GRIA1: variants seen among roughly 807,000 people sequenced by gnomAD.
GRIA1 encodes glutamate ionotropic receptor AMPA type subunit 1, also known as glutamate receptor 1.
Under a neutral mutation model 99.2 loss-of-function variants are expected in GRIA1, and 31 were observed. The observed-to-expected ratio is 0.31, with a 90% confidence interval of 0.23 to 0.42. GRIA1 has a LOEUF of 0.42. Ranked by LOEUF, GRIA1 falls within the 10% of genes least tolerant of loss-of-function variation. The pLI, the probability that GRIA1 is intolerant of heterozygous loss-of-function variation, is 1.00. For synonymous variants in GRIA1, 438 were observed against 432.4 expected, an observed-to-expected ratio of 1.01 and a Z score of -0.16; for missense variants, 782 against 1,157.5, an observed-to-expected ratio of 0.68 and a Z score of 4.71.
In GRIA1 at chr5:153,585,462, C is replaced by A. The variant is rs1335844995; in HGVS notation, c.221-61466C>A. Among the ~76,000 whole-genome samples, 3 of 152,108 alleles carry A rather than the reference C, an allele frequency of 2.0e-5. No individual in the cohort carries two copies. The East Asian group carries it at 5.8e-4, about 29-fold the overall frequency. Reference sequence around the variant, plus strand: ...TAGCTGGGACTACAGGCACCCACAACCATGCCCAGCTAATTTTTGTGTTTT... The same window carrying A: ...TAGCTGGGACTACAGGCACCCACAAACATGCCCAGCTAATTTTTGTGTTTT... On this transcript the variant is annotated intron_variant, in intron 2 of 15. Coordinates refer to ENST00000285900, the MANE Select transcript of GRIA1 (RefSeq NM_000827.4).
intron 7 of GRIA1, among the ~76,000 whole-genome samples, chr5:153,680,186 GC>G (rs777722457): frequency 6.6e-6 from 1 of 152,014 alleles, no homozygotes; most frequent in Non-Finnish European, 1.5e-5. Context: ...CTATGGCCCA[GC>G]CCCCAGCAGC....
At chr5:153,705,153 G>A (rs532933233) in intron 10 of GRIA1, among the ~76,000 whole-genome samples, 181 of 152,288 alleles carry the variant, frequency 1.2e-3, no homozygotes, top group African/African-American at 4.0e-3. Flanking sequence ...TGAATTTACA[G>A]TTGCCTGAAT....
At chr5:153,784,392 A>G (rs958578413) in intron 13 of GRIA1, among the ~76,000 whole-genome samples, 1 of 112,188 alleles carries the variant, frequency 8.9e-6, no homozygotes, top group African/African-American at 3.7e-5. Context: ...CACTCTGTAT[A>G]TATCATTTGC....
In GRIA1 at chr5:153,720,345, T is replaced by C. The variant is rs148533358; in HGVS notation, c.1823+14278T>C. The stretch of plus-strand genomic sequence containing the variant: ...GGACCTTGAACATCATCATAAGCCT[T>C]GGAGGCAAATGAAAAGAGACAGGAG... On this transcript the variant is annotated intron_variant, in intron 11 of 15. Transcript: ENST00000285900. Among the ~76,000 whole-genome samples the C allele has an allele frequency of 8.2e-3, 1,251 of 152,300 alleles. 7 individuals are homozygous for C. Among genetic ancestry groups the C allele is most frequent in the Middle Eastern group, 0.014 (4 of 294 alleles).
intron 11 of GRIA1, among the ~76,000 whole-genome samples, chr5:153,757,142 T>G (rs7445290): frequency 0.6 from 90,901 of 151,994 alleles, 27,934 homozygotes; most frequent in East Asian, 0.94. Flanking sequence ...AAATACAAAT[T>G]AATGAATTTT....
At chr5:153,810,124 T>C (rs1160734902) in intron 15 of GRIA1, among the ~76,000 whole-genome samples, 1 of 152,234 alleles carries the variant, frequency 6.6e-6, no homozygotes, top group African/African-American at 2.4e-5. Flanking sequence ...TTCTGTGGTC[T>C]TGAATATCCC....
chr5:153,632,162 G>A (rs1302598117), intron 2 of GRIA1, among the ~76,000 whole-genome samples: 1 of 152,170 alleles, frequency 6.6e-6, no homozygotes, highest in Non-Finnish European at 1.5e-5. Flanking sequence ...AACGGAAAAA[G>A]GGAAAGTGGG....
chr5:153,612,346 G>T (rs2149410879), intron 2 of GRIA1, among the ~76,000 whole-genome samples: 1 of 152,330 alleles, frequency 6.6e-6, no homozygotes, highest in Non-Finnish European at 1.5e-5. Context: ...ATTTGAAGTT[G>T]ATACTATTAA....
intron 7 of GRIA1, among the ~76,000 whole-genome samples, chr5:153,679,260 G>A (rs1396448218): frequency 2.0e-5 from 3 of 151,738 alleles, no homozygotes; most frequent in African/African-American, 7.3e-5. Context: ...GAAAAAGAGA[G>A]GAACAACTAT....
chr5:153,746,733 A>AAAGAG (rs1409533174), intron 11 of GRIA1, among the ~76,000 whole-genome samples: 1 of 152,334 alleles, frequency 6.6e-6, no homozygotes, highest in Non-Finnish European at 1.5e-5. Flanking sequence ...GCAGCTATAA[A>AAAGAG]AAGAGAATAG....
Position 153,811,074 on chromosome 5 carries a change from C to A in GRIA1, c.2570C>A (p.Ser857Ter). The change falls in exon 16 of 16, where the codon TCG becomes TAG. Residue 857 changes from serine to a stop codon, truncating the protein, a stop_gained. Coordinates refer to ENST00000285900, the MANE Select transcript of GRIA1 (RefSeq NM_000827.4). LOFTEE classifies it high-confidence loss of function. ...QQSINEAIRTSTLPRNSGAGA... is the reference protein window; with the variant it reads ...QQSINEAIRT ...TCCATCAACGAAGCCATACGGACAT[C>A]GACCCTCCCCCGCAACAGCGGGGCA... The A allele has an allele frequency of 6.2e-7, 1 of 1,614,104 alleles. No individual in the cohort carries two copies. The highest frequency in any genetic ancestry group is 8.5e-7 in the Non-Finnish European group (1 of 1,179,958).
At chr5:153,499,053 A>G (rs2113224003) in intron 2 of GRIA1, among the ~76,000 whole-genome samples, 1 of 152,348 alleles carries the variant, frequency 6.6e-6, no homozygotes, top group African/African-American at 2.4e-5. Flanking sequence ...CAAAAAAATT[A>G]GTGTGTATAC....
intron 2 of GRIA1, among the ~76,000 whole-genome samples, chr5:153,521,572 C>T (rs1401634257): frequency 6.6e-6 from 1 of 152,188 alleles, no homozygotes; most frequent in Non-Finnish European, 1.5e-5. Context: ...TGGACAGAAC[C>T]ATCCTCGGTG....
chr5:153,594,358 C>T (rs949211746), intron 2 of GRIA1, among the ~76,000 whole-genome samples: 1 of 152,112 alleles, frequency 6.6e-6, no homozygotes, highest in African/African-American at 2.4e-5. Flanking sequence ...GTTAGGCTTC[C>T]AAGATTCTAT....
At chr5:153,795,894 C>T (rs1427153877) in intron 14 of GRIA1, among the ~76,000 whole-genome samples, 1 of 152,042 alleles carries the variant, frequency 6.6e-6, no homozygotes, top group East Asian at 1.9e-4. Context: ...GTACTCTTTG[C>T]TGTGGGACAG....
intron 11 of GRIA1, among the ~76,000 whole-genome samples, chr5:153,741,641 T>C (rs992319623): frequency 1.1e-4 from 17 of 152,146 alleles, no homozygotes; most frequent in African/African-American, 3.9e-4. Flanking sequence ...CTAAGTGAAA[T>C]AAGCCAGTCA....
chr5:153,637,667 G>A (rs1753469349), intron 2 of GRIA1, among the ~76,000 whole-genome samples: 1 of 152,164 alleles, frequency 6.6e-6, no homozygotes, highest in African/African-American at 2.4e-5. Flanking sequence ...TGTTGTAGGT[G>A]GAATACATTA....
intron 2 of GRIA1, among the ~76,000 whole-genome samples, chr5:153,535,647 A>G (rs1758496113): frequency 6.6e-6 from 1 of 152,222 alleles, no homozygotes; most frequent in African/African-American, 2.4e-5. Flanking sequence ...TTAGGCATCC[A>G]TTCCTAACAT....
intron 2 of GRIA1, among the ~76,000 whole-genome samples, chr5:153,621,932 G>T (rs781199594): frequency 6.6e-6 from 1 of 152,208 alleles, no homozygotes; most frequent in East Asian, 1.9e-4. Flanking sequence ...AATGAGAATT[G>T]GTTGCAAATA....
Sources: gnomAD v4.1 joint callset for allele counts (sites outside exome capture counted in the v4.1 genomes callset) on GRCh38, gnomAD v4.1.1 for gene constraint, MANE v1.5 for transcripts, NCBI Gene and HGNC (gene_info 2026-07-23, HGNC 2026-07-21) for gene names.